The following SCAPER variants were observed in gnomAD, a reference collection of about 807,000 sequenced individuals.
The protein encoded by SCAPER is S-phase cyclin A associated protein in the ER.
Under a neutral mutation model 182.2 loss-of-function variants are expected in SCAPER, and 98 were observed. The ratio of observed to expected loss-of-function variants is 0.54; its 90% confidence interval spans 0.46 to 0.64. The LOEUF is 0.64. Ranked by LOEUF, SCAPER falls within the 30% of genes least tolerant of loss-of-function variation. The pLI, the probability that SCAPER is intolerant of heterozygous loss-of-function variation, is 0.00. For missense variants in SCAPER, 1,432 were observed against 1,690.0 expected (o/e 0.85, Z 2.68); for synonymous variants, 605 against 564.6 (o/e 1.07, Z -1.01).
chr15:76,364,003 T>C (rs901999700), intron 29 of SCAPER, among the ~76,000 whole-genome samples: 5 of 152,182 alleles, frequency 3.3e-5, no homozygotes, highest in Non-Finnish European at 7.3e-5. Context: ...GAATATGGCA[T>C]GCCCCAAACA....
At chr15:76,682,970 G>C (rs1344100812) in intron 20 of SCAPER, among the ~76,000 whole-genome samples, 2 of 152,092 alleles carry the variant, frequency 1.3e-5, no homozygotes, top group African/African-American at 4.8e-5. Flanking sequence ...GAAAGAATAA[G>C]ATCTGTGGCA....
At chr15:76,604,385 T>C (rs2050175792) in intron 22 of SCAPER, among the ~76,000 whole-genome samples, 1 of 120,280 alleles carries the variant, frequency 8.3e-6, no homozygotes, top group African/African-American at 2.5e-5. Flanking sequence ...TTGGTCTATA[T>C]CTCTGTTTCG....
chr15:76,660,613 A>C (rs939106106), intron 21 of SCAPER, among the ~76,000 whole-genome samples: 1 of 152,134 alleles, frequency 6.6e-6, no homozygotes, highest in Non-Finnish European at 1.5e-5. Context: ...AGGACATCTA[A>C]AAAAATAAAA....
rs148252015 is a variant in SCAPER, at chr15:76,659,905, G to C, written c.2645+5748C>G. 1.4e-4 allele frequency among the ~76,000 whole-genome samples: 22 copies of C among 152,224 alleles called. No homozygotes were observed. In the East Asian group the frequency reaches 4.2e-3, roughly 29 times the overall value. Reference sequence around the variant, plus strand: ...TTCCATTATTGGGTATATACCCATAGGAATATAAATCTTTCTACCATAAAG... The same window carrying C: ...TTCCATTATTGGGTATATACCCATACGAATATAAATCTTTCTACCATAAAG... On this transcript the variant is annotated intron_variant, in intron 21 of 31. Transcript: ENST00000563290.
At chr15:76,515,646 AAC>A (rs2042360770) in intron 23 of SCAPER, among the ~76,000 whole-genome samples, 1 of 152,162 alleles carries the variant, frequency 6.6e-6, no homozygotes, top group South Asian at 2.1e-4. Flanking sequence ...TCTCCATCAT[AAC>A]ACTTTTGCTT....
chr15:76,454,403 C>A (rs941761746), intron 25 of SCAPER, among the ~76,000 whole-genome samples: 3 of 152,004 alleles, frequency 2.0e-5, no homozygotes, highest in African/African-American at 7.3e-5. Flanking sequence ...AATAATTTAA[C>A]GGGAATAATA....
At chr15:76,742,582 A>T (rs1043571746) in intron 15 of SCAPER, among the ~76,000 whole-genome samples, 1 of 151,904 alleles carries the variant, frequency 6.6e-6, no homozygotes. Context: ...ATGAAAGTCA[A>T]TATTAGACTA....
intron 27 of SCAPER, among the ~76,000 whole-genome samples, chr15:76,388,056 T>A (rs1429299483): frequency 6.6e-6 from 1 of 152,186 alleles, no homozygotes; most frequent in South Asian, 2.1e-4. Context: ...ATTCTGGAAG[T>A]ACTGTGTCCA....
intron 28 of SCAPER, among the ~76,000 whole-genome samples, chr15:76,379,008 C>T (rs1187926399): frequency 1.3e-5 from 2 of 152,180 alleles, no homozygotes; most frequent in African/African-American, 2.4e-5. Flanking sequence ...TAAGCCCCAT[C>T]TGAATTCTGA....
intron 23 of SCAPER, among the ~76,000 whole-genome samples, chr15:76,527,746 T>C (rs1371754740): frequency 1.3e-5 from 2 of 152,236 alleles, no homozygotes; most frequent in Admixed American, 6.5e-5. Context: ...ATTTTACTAT[T>C]TGGTGTTTAT....
chr15:76,767,872 A>C (rs1480989140), intron 10 of SCAPER, among the ~76,000 whole-genome samples: 1 of 152,130 alleles, frequency 6.6e-6, no homozygotes, highest in Non-Finnish European at 1.5e-5. Flanking sequence ...AAGGAAAAAA[A>C]CAGATTACAA....
At chr15:76,715,935 C>T (rs1168190331) in intron 17 of SCAPER, among the ~76,000 whole-genome samples, 3 of 152,116 alleles carry the variant, frequency 2.0e-5, no homozygotes, top group Admixed American at 6.5e-5. Context: ...CCAGGTGCTA[C>T]AGTAGTTTCA....
intron 9 of SCAPER, chr15:76,774,527 T>C (rs531637068): frequency 6.6e-6 from 2 of 302,596 alleles, no homozygotes; most frequent in Non-Finnish European, 1.2e-5. Flanking sequence ...TATAAATAAA[T>C]GTCTTTGTTC....
At chr15:76,813,249 A>AAAAAAAAAAAAAAAAC (rs2066805442) in intron 5 of SCAPER, among the ~76,000 whole-genome samples, 7 of 60,188 alleles carry the variant, frequency 1.2e-4, no homozygotes, top group South Asian at 6.0e-4. Flanking sequence ...AAAAAAAAAA[A>AAAAAAAAAAAAAAAAC]AAAAAACAAC....
intron 24 of SCAPER, among the ~76,000 whole-genome samples, chr15:76,496,819 G>C (rs2040591689): frequency 6.6e-6 from 1 of 152,122 alleles, no homozygotes; most frequent in South Asian, 2.1e-4. Flanking sequence ...GAGGACACAA[G>C]GAAGGCTCTA....
intron 26 of SCAPER, among the ~76,000 whole-genome samples, chr15:76,428,838 C>T (rs945110667): frequency 7.9e-6 from 1 of 126,804 alleles, no homozygotes; most frequent in African/African-American, 3.0e-5. Context: ...GTTATGAACA[C>T]AATAGGTATC....
At chr15:76,883,749 T>G in intron 2 of SCAPER, 63 bp downstream of exon 2, 1 of 1,309,100 alleles carries the variant, frequency 7.6e-7, no homozygotes, top group Non-Finnish European at 1.0e-6. Flanking sequence ...TTAAAAAAGA[T>G]AAAAGAAAGG....
intron 17 of SCAPER, among the ~76,000 whole-genome samples, chr15:76,726,815 T>C (rs966809400): frequency 4.6e-5 from 7 of 152,032 alleles, no homozygotes; most frequent in African/African-American, 1.4e-4. Context: ...AGCATGACGA[T>C]TGTCAGAGGC....
At chr15:76,440,713 T>A (rs1300338454) in intron 25 of SCAPER, among the ~76,000 whole-genome samples, 6 of 152,092 alleles carry the variant, frequency 3.9e-5, no homozygotes, top group Non-Finnish European at 1.5e-5. Flanking sequence ...TACGAAACAG[T>A]CACTAAACAT....
Sources: allele counts gnomAD v4.1 joint callset (sites outside exome capture counted in the v4.1 genomes callset), GRCh38; gene constraint gnomAD v4.1.1; transcripts MANE v1.5; gene names NCBI Gene and HGNC (gene_info 2026-07-23, HGNC 2026-07-21).